Variants in EXT2 observed in about 807,000 individuals in gnomAD.
The protein encoded by EXT2 is exostosin glycosyltransferase 2, also known as exostosin-2.
EXT2 carries 53 observed loss-of-function variants against 81.6 expected under a neutral mutation model. The ratio of observed to expected loss-of-function variants is 0.65; its 90% CI spans 0.52 to 0.82. The LOEUF (loss-of-function observed/expected upper bound fraction) is 0.82. Ranked by LOEUF, EXT2 falls within the 40% of genes least tolerant of loss-of-function variation. EXT2 has a pLI of 0.00. For synonymous variants in EXT2, 320 were observed against 340.0 expected, an observed-to-expected ratio of 0.94 and a Z score of 0.65; for missense variants, 774 against 910.2, an observed-to-expected ratio of 0.85 and a Z score of 1.93.
At chr11:44,189,239 T>G (rs1050738705) in intron 8 of EXT2, among the ~76,000 whole-genome samples, 4 of 152,206 alleles carry the variant, frequency 2.6e-5, no homozygotes, top group African/African-American at 9.6e-5. Flanking sequence ...GATAATTAAC[T>G]ATCTTACTTA....
chr11:44,215,203 T>C (rs550745908), intron 10 of EXT2, among the ~76,000 whole-genome samples: 2 of 152,340 alleles, frequency 1.3e-5, no homozygotes, highest in Admixed American at 6.5e-5. Context: ...GATCAGGTCA[T>C]TGATTTCAAT....
intron 7 of EXT2, among the ~76,000 whole-genome samples, chr11:44,134,456 C>T (rs1057126881): frequency 6.6e-6 from 1 of 152,102 alleles, no homozygotes; most frequent in African/African-American, 2.4e-5. Context: ...AAAGTTGGGG[C>T]TAAAGCTGTC....
intron 10 of EXT2, among the ~76,000 whole-genome samples, chr11:44,231,169 A>C (rs1400301154): frequency 6.6e-6 from 1 of 152,178 alleles, no homozygotes; most frequent in Non-Finnish European, 1.5e-5. Context: ...CTAGCACAGT[A>C]ATCTTGGTGA....
At chr11:44,206,009 A>G (rs1202636199) in intron 9 of EXT2, among the ~76,000 whole-genome samples, 2 of 152,202 alleles carry the variant, frequency 1.3e-5, no homozygotes, top group Non-Finnish European at 2.9e-5. Context: ...TGGGAAAAAA[A>G]TGTAAGGCAC....
At chr11:44,185,496 GT>G (rs1019016427) in intron 8 of EXT2, among the ~76,000 whole-genome samples, 3 of 150,662 alleles carry the variant, frequency 2.0e-5, no homozygotes, top group Non-Finnish European at 3.0e-5. Context: ...CCAATAAAAG[GT>G]TTTTTTTTGC....
rs549299643 is a variant in EXT2, at chr11:44,236,298, C to A, written c.1941C>A (p.Thr647=). ...TTTTTGTCCTCCTCTGGCAGGTAAC[C>A]CCACGAAAGAAATTCAAGTGTCCTG... ...NVTGKAVIKV[T]PRKKFKCPEC... Residue 647 remains threonine, a synonymous_variant, in exon 13 of 14, where the codon ACC becomes ACA. Coordinates refer to ENST00000533608, the MANE Select transcript of EXT2 (RefSeq NM_207122.2). 6.2e-7 allele frequency: 1 copy of A among 1,614,066 alleles called. No homozygotes were observed.
Position 44,251,206 on chromosome 11 carries a change from G to A in EXT2, c.*6919G>A, listed in dbSNP as rs1253397916. On this transcript the variant is annotated 3_prime_UTR_variant, in exon 14 of 14. Coordinates refer to ENST00000533608, the MANE Select transcript of EXT2 (RefSeq NM_207122.2). ...AGGATTTTTTTTTTCTCTTTTCATA[G>A]CACCTTCCAGTTGCCAGTTGTACCC... Among the ~76,000 whole-genome samples the A allele has an allele frequency of 1.3e-5, 2 of 151,398 alleles. No homozygotes were observed. Among genetic ancestry groups the A allele is most frequent in the African/African-American group, 4.9e-5 (2 of 41,152 alleles).
intron 13 of EXT2, among the ~76,000 whole-genome samples, chr11:44,239,313 G>A (rs1304206987): frequency 6.6e-6 from 1 of 152,054 alleles, no homozygotes; most frequent in East Asian, 1.9e-4. Context: ...TCGTTAATGG[G>A]GACAGGAGGT....
rs1262013891 is a variant in EXT2, at chr11:44,249,946, T to TA, written c.*5659_*5660insA. The stretch of plus-strand genomic sequence containing the variant: ...TTAGCCGGGCATAGTGGCAGGCACC[T>TA]GTAGCCCCAGCTACTCGGGAGGCTG... On this transcript the variant is annotated 3_prime_UTR_variant, in exon 14 of 14. Coordinates refer to ENST00000533608, the MANE Select transcript of EXT2 (RefSeq NM_207122.2). 6.6e-6 allele frequency among the ~76,000 whole-genome samples: 1 copy of TA among 152,200 alleles called. No individual in the cohort carries two copies. Among genetic ancestry groups the TA allele is most frequent in the East Asian group, 1.9e-4 (1 of 5,194 alleles).
chr11:44,226,420 T>C (rs2135247372), intron 10 of EXT2, among the ~76,000 whole-genome samples: 1 of 152,350 alleles, frequency 6.6e-6, no homozygotes, highest in Admixed American at 6.5e-5. Context: ...TCCTTGGCTG[T>C]AGATGGCTAG....
intron 7 of EXT2, among the ~76,000 whole-genome samples, chr11:44,136,893 T>C (rs1954577746): frequency 6.6e-6 from 1 of 152,180 alleles, no homozygotes; most frequent in African/African-American, 2.4e-5. Context: ...TAGACAACCA[T>C]GGTTCTAATA....
chr11:44,177,939 A>G (rs1955181664), intron 8 of EXT2, among the ~76,000 whole-genome samples: 1 of 152,254 alleles, frequency 6.6e-6, no homozygotes, highest in Non-Finnish European at 1.5e-5. Context: ...AGCTTTTTCT[A>G]TGAAATCTAG....
At chr11:44,098,654 C>T (rs367563161) in intron 1 of EXT2, among the ~76,000 whole-genome samples, 1 of 146,424 alleles carries the variant, frequency 6.8e-6, no homozygotes, top group Non-Finnish European at 1.5e-5. Context: ...GAGATGACAC[C>T]ACTGCACTCC....
intron 10 of EXT2, among the ~76,000 whole-genome samples, chr11:44,218,696 A>G (rs1955747367): frequency 6.6e-6 from 1 of 151,048 alleles, no homozygotes; most frequent in African/African-American, 2.4e-5. Flanking sequence ...CAGAGCTGAG[A>G]TGCTGTATAA....
intron 13 of EXT2, among the ~76,000 whole-genome samples, chr11:44,241,599 G>A (rs1292437277): frequency 1.3e-5 from 2 of 152,126 alleles, no homozygotes; most frequent in African/African-American, 4.8e-5. Flanking sequence ...AAAGACTCCT[G>A]GTTACTTTAA....
At chr11:44,166,712 T>C (rs1954999082) in intron 7 of EXT2, among the ~76,000 whole-genome samples, 1 of 152,190 alleles carries the variant, frequency 6.6e-6, no homozygotes, top group Non-Finnish European at 1.5e-5. Context: ...AATTTCCCCA[T>C]GTTAAATTTT....
intron 9 of EXT2, among the ~76,000 whole-genome samples, chr11:44,204,307 A>G (rs1955555822): frequency 6.6e-6 from 1 of 152,196 alleles, no homozygotes; most frequent in Non-Finnish European, 1.5e-5. Flanking sequence ...AGCTAATGGA[A>G]TGTGTGCTCA....
chr11:44,201,267 G>A (rs1955519192), intron 9 of EXT2, among the ~76,000 whole-genome samples: 1 of 152,158 alleles, frequency 6.6e-6, no homozygotes, highest in East Asian at 1.9e-4. Context: ...CATTCTAGGG[G>A]TCACCCCATA....
chr11:44,172,631 T>C (rs1467312818), intron 8 of EXT2, among the ~76,000 whole-genome samples: 1 of 151,336 alleles, frequency 6.6e-6, no homozygotes, highest in Non-Finnish European at 1.5e-5. Flanking sequence ...TTGCCCAGGC[T>C]TGAGTGCAGT....
Sources: allele counts gnomAD v4.1 joint callset (sites outside exome capture counted in the v4.1 genomes callset), GRCh38; gene constraint gnomAD v4.1.1; transcripts MANE v1.5; gene names NCBI Gene and HGNC (gene_info 2026-07-23, HGNC 2026-07-21).